Variants in CFTR observed in about 807,000 individuals in gnomAD.
CFTR encodes CF transmembrane conductance regulator.
Under a neutral mutation model 171.6 loss-of-function variants are expected in CFTR, and 181 were observed. That is an observed-to-expected ratio of 1.05 (90% CI 0.93 to 1.19). The LOEUF is 1.19. Ranked by LOEUF, CFTR falls within the 50% of genes most tolerant of loss-of-function variation. The pLI, the probability that CFTR is intolerant of heterozygous loss-of-function variation, is 0.00. For missense variants in CFTR, 1,968 were observed against 1,734.7 expected (o/e 1.13, Z -2.39); for synonymous variants, 583 against 608.0 (o/e 0.96, Z 0.60).
intron 1 of CFTR, among the ~76,000 whole-genome samples, chr7:117,496,583 T>TA (rs1357784987): frequency 2.6e-5 from 4 of 152,196 alleles, no homozygotes; most frequent in Non-Finnish European, 5.9e-5. Flanking sequence ...AGTTAATAGA[T>TA]ATTTCGATTG....
intron 4 of CFTR, among the ~76,000 whole-genome samples, chr7:117,531,847 C>A (rs755030260): frequency 4.6e-5 from 7 of 152,290 alleles, no homozygotes; most frequent in Middle Eastern, 3.4e-3. Context: ...TTATAAAAAG[C>A]TGTTTTGATG....
At chr7:117,627,132 G>A (rs2116127827) in intron 21 of CFTR, among the ~76,000 whole-genome samples, 1 of 152,186 alleles carries the variant, frequency 6.6e-6, no homozygotes, top group South Asian at 2.1e-4. Context: ...GAGAGAAAGA[G>A]AAGAATCTTC....
At chr7:117,642,130 C>A (rs1201439824) in intron 22 of CFTR, among the ~76,000 whole-genome samples, 3 of 152,118 alleles carry the variant, frequency 2.0e-5, no homozygotes, top group African/African-American at 7.2e-5. Flanking sequence ...CTTTGCTTTT[C>A]CTTTATGCAA....
rs191152276 is a variant in CFTR, at chr7:117,491,640, G to A, written c.53+11493G>A. Among the ~76,000 whole-genome samples, 7 of 151,962 alleles carry A rather than the reference G, an allele frequency of 4.6e-5. No homozygotes were observed. The South Asian group carries it at 1.2e-3, about 27-fold the overall frequency. On this transcript the variant is annotated intron_variant, in intron 1 of 26. Coordinates refer to ENST00000003084, the MANE Select transcript of CFTR (RefSeq NM_000492.4). ...CTGATCTCTGTTTTCATCTTCACAT[G>A]GCATTCTCCCTGTGAGCCTGTCTCT...
intron 11 of CFTR, among the ~76,000 whole-genome samples, chr7:117,560,464 C>T (rs762874268): frequency 1.3e-5 from 2 of 151,978 alleles, no homozygotes; most frequent in Admixed American, 6.6e-5. Flanking sequence ...TTGGCATTTG[C>T]AATTCCTTTA....
At chr7:117,660,102 T>C (rs1793247118) in intron 24 of CFTR, among the ~76,000 whole-genome samples, 1 of 152,084 alleles carries the variant, frequency 6.6e-6, no homozygotes, top group Non-Finnish European at 1.5e-5. Context: ...GGGAAGTACA[T>C]ACTATTTATT....
intron 10 of CFTR, among the ~76,000 whole-genome samples, chr7:117,550,155 G>T (rs1486256611): frequency 6.6e-6 from 1 of 151,958 alleles, no homozygotes; most frequent in Non-Finnish European, 1.5e-5. Flanking sequence ...GGGCAACATG[G>T]CAAACCCCAC....
intron 7 of CFTR, among the ~76,000 whole-genome samples, chr7:117,537,520 G>A (rs1248886005): frequency 2.0e-5 from 3 of 152,052 alleles, no homozygotes; most frequent in Non-Finnish European, 4.4e-5. Flanking sequence ...AATTTCACAG[G>A]GAAAAATATA....
intron 3 of CFTR, among the ~76,000 whole-genome samples, chr7:117,518,097 C>G (rs1014753848): frequency 1.3e-5 from 2 of 151,860 alleles, no homozygotes; most frequent in Non-Finnish European, 2.9e-5. Flanking sequence ...AGAATAGATT[C>G]TGGTACATAG....
chr7:117,609,453 T>C (rs1199904166), intron 18 of CFTR, among the ~76,000 whole-genome samples: 3 of 152,202 alleles, frequency 2.0e-5, no homozygotes, highest in African/African-American at 7.2e-5. Context: ...TTTTTTTTAA[T>C]CCTTTCTGCA....
At chr7:117,515,914 T>C (rs1469175305) in intron 3 of CFTR, among the ~76,000 whole-genome samples, 17 of 152,212 alleles carry the variant, frequency 1.1e-4, no homozygotes, top group Admixed American at 1.1e-3. Context: ...TTTGTAGTGA[T>C]TGTGAATGGG....
chr7:117,665,278 C>G (rs1380267350), intron 25 of CFTR, among the ~76,000 whole-genome samples, 181 bp from the exon 26 acceptor site: 1 of 152,176 alleles, frequency 6.6e-6, no homozygotes, highest in Non-Finnish European at 1.5e-5. Flanking sequence ...TTTATGGATA[C>G]TTAGAGTCTA....
chr7:117,533,642 C>T (rs985573666), intron 4 of CFTR, among the ~76,000 whole-genome samples: 1 of 152,018 alleles, frequency 6.6e-6, no homozygotes. Flanking sequence ...AAGTATGACT[C>T]TGGTTTTCCA....
At chr7:117,597,487 A>G (rs1203220149) in intron 15 of CFTR, among the ~76,000 whole-genome samples, 2 of 152,224 alleles carry the variant, frequency 1.3e-5, no homozygotes, top group African/African-American at 4.8e-5. Context: ...TACACTTACT[A>G]TAGCAGATGA....
chr7:117,503,709 T>G (rs1663878414), intron 1 of CFTR, among the ~76,000 whole-genome samples: 1 of 152,184 alleles, frequency 6.6e-6, no homozygotes, highest in Non-Finnish European at 1.5e-5. Context: ...TCAGACATGA[T>G]AATTAAGTCA....
chr7:117,523,519 G>A (rs1036506922), intron 3 of CFTR, among the ~76,000 whole-genome samples: 3 of 151,976 alleles, frequency 2.0e-5, no homozygotes, highest in Non-Finnish European at 2.9e-5. Flanking sequence ...TAGGACTACA[G>A]GCGCCCGCCT....
chr7:117,585,154 T>C lies in CFTR; in HGVS notation c.1585-2585T>C, dbSNP rs996960492. Among the ~76,000 whole-genome samples the C allele has an allele frequency of 8.5e-5, 13 of 152,166 alleles. No individual in the cohort carries two copies. The East Asian group carries it at 1.7e-3, about 20-fold the overall frequency. On this transcript the variant is annotated intron_variant, in intron 11 of 26. Transcript: ENST00000003084. The stretch of plus-strand genomic sequence containing the variant: ...ATATATAGATATCTACTTCTACTTC[T>C]GACAATTTTTGCTTCTCCAATTTTC...
intron 26 of CFTR, 30 bp downstream of exon 26, chr7:117,665,594 C>A: frequency 7.8e-7 from 1 of 1,289,732 alleles, no homozygotes; most frequent in Non-Finnish European, 1.1e-6. Context: ...CTTAAGATCT[C>A]ATTGCCCTTG....
At chr7:117,596,257 C>T (rs921820664) in intron 15 of CFTR, among the ~76,000 whole-genome samples, 3 of 152,240 alleles carry the variant, frequency 2.0e-5, no homozygotes, top group Non-Finnish European at 4.4e-5. Context: ...GCCGGCCCCG[C>T]GAGCCCCAGG....
Sources: gnomAD v4.1 joint callset for allele counts (sites outside exome capture counted in the v4.1 genomes callset) on GRCh38, gnomAD v4.1.1 for gene constraint, MANE v1.5 for transcripts, NCBI Gene and HGNC (gene_info 2026-07-23, HGNC 2026-07-21) for gene names.